CPB2: variants seen among roughly 807,000 people sequenced by gnomAD.
CPB2 encodes the protein carboxypeptidase B2.
A neutral mutation model predicts 57.0 loss-of-function variants in CPB2; 54 were observed. The ratio of observed to expected loss-of-function variants is 0.95; its 90% CI spans 0.76 to 1.19. The LOEUF (loss-of-function observed/expected upper bound fraction) is 1.19, where lower values mean the gene tolerates loss of function less well. Among genes scored for constraint, CPB2 ranks in the 50% most tolerant of loss-of-function variants. The probability of loss-of-function intolerance (pLI) is 0.00; values close to 1 mark genes in which losing one functional copy is unlikely to be tolerated. For synonymous variants in CPB2, 189 were observed against 178.1 expected, an observed-to-expected ratio of 1.06 and a Z score of -0.49; for missense variants, 426 against 512.0, an observed-to-expected ratio of 0.83 and a Z score of 1.62.
chr13:46,077,677 G>A (rs1374846839), intron 5 of CPB2, among the ~76,000 whole-genome samples: 1 of 122,712 alleles, frequency 8.1e-6, no homozygotes, highest in Non-Finnish European at 1.7e-5. Flanking sequence ...ATCAACCTAA[G>A]TGTTCTTCAA....
chr13:46,084,163 C>G lies in CPB2; in HGVS notation c.275+56G>C, dbSNP rs1313879092. The G allele has an allele frequency of 8.8e-6, 14 of 1,593,444 alleles. No individual in the cohort carries two copies. In the East Asian group the frequency reaches 3.1e-4, roughly 36 times the overall value. On this transcript the variant is annotated intron_variant, in intron 3 of 10. Transcript: ENST00000181383. The stretch of plus-strand genomic sequence containing the variant: ...GGAAGCAATTATACCATACCCTAGT[C>G]AAGTGCATAGTAAGTGTTTATAATA...
chr13:46,057,649 ATTGTCTG>A (rs2044714939), intron 9 of CPB2, among the ~76,000 whole-genome samples: 1 of 152,158 alleles, frequency 6.6e-6, no homozygotes, highest in Admixed American at 6.5e-5. Context: ...AATTTCCTGT[ATTGTCTG>A]TTATGTTCCA....
At chr13:46,101,382 T>C (rs1378621139) in intron 1 of CPB2, 1 of 152,220 alleles carries the variant, frequency 6.6e-6, no homozygotes, top group African/African-American at 2.4e-5. Flanking sequence ...ACAACAAAGA[T>C]GGGGATATTT....
Position 46,084,232 on chromosome 13 carries a change from C to T in CPB2, c.262G>A (p.Gly88Arg), listed in dbSNP as rs543856991. 27 of 1,614,078 alleles carry T rather than the reference C, an allele frequency of 1.7e-5. No individual in the cohort carries two copies. The highest frequency in any genetic ancestry group is 1.3e-4 in the African/African-American group (10 of 75,016). ...AACGGTGCCTACCTGCATGGAATTCCGCTCACATTTAAATGGGCTTTCACA... is the reference window on the plus strand; with the variant it reads ...AACGGTGCCTACCTGCATGGAATTCTGCTCACATTTAAATGGGCTTTCACA... ...DNVKAHLNVS[G>R]IPCSVLLADV... Residue 88 changes from glycine to arginine, a missense_variant, in exon 3 of 11, where the codon GGA (glycine) becomes AGA (arginine). Transcript: ENST00000181383.
chr13:46,082,477 G>A lies in CPB2; in HGVS notation c.348C>T (p.Ser116=), dbSNP rs375565318. 6.9e-5 allele frequency: 111 copies of A among 1,613,164 alleles called. No individual in the cohort carries two copies. Among genetic ancestry groups the A allele is most frequent in the Middle Eastern group, 1.6e-4 (1 of 6,082 alleles). ...ISNDTVSPRA[S]ASYYEQYHSL... is the part of the protein sequence containing the mutation. Reference sequence around the variant, plus strand: ...AGTGATACTGTTCATAGTACGATGCGGAGGCTCGGGGGCTGACTGTGTCGT... The same window carrying A: ...AGTGATACTGTTCATAGTACGATGCAGAGGCTCGGGGGCTGACTGTGTCGT... The change falls in exon 4 of 11, where the codon TCC becomes TCT. Residue 116 remains serine (S), a synonymous_variant. Transcript: ENST00000181383.
At chr13:46,057,130 A>G (rs1272304660) in intron 9 of CPB2, among the ~76,000 whole-genome samples, 1 of 151,758 alleles carries the variant, frequency 6.6e-6, no homozygotes, top group Non-Finnish European at 1.5e-5. Flanking sequence ...GGCTCTCAAC[A>G]TATATGTGTG....
rs1343239207 is a variant in CPB2 at position 46,087,075 on chromosome 13, C to T, written c.150+670G>A. On this transcript the variant is annotated intron_variant, in intron 2 of 10. Transcript: ENST00000181383. The stretch of plus-strand genomic sequence containing the variant: ...TGGGTCTGCAACCCCAGCTGGGCAG[C>T]TGCAGCTGCGCCCAGGAGGGCAGGG... Among the ~76,000 whole-genome samples, 7 of 152,344 alleles carry T rather than the reference C, an allele frequency of 4.6e-5. No homozygotes were observed. In the South Asian group the frequency reaches 1.5e-3, roughly 32 times the overall value.
At chr13:46,087,602 G>T (rs1176622473) in intron 2 of CPB2, 143 bp downstream of exon 2, 1 of 621,474 alleles carries the variant, frequency 1.6e-6, no homozygotes, top group African/African-American at 1.9e-5. Context: ...ACAAAATCAT[G>T]TGATTATGAG....
At chr13:46,065,559 G>A (rs768576657) in intron 7 of CPB2, among the ~76,000 whole-genome samples, 2 of 150,300 alleles carry the variant, frequency 1.3e-5, no homozygotes, top group African/African-American at 2.5e-5. Context: ...CCTGGGAGGC[G>A]GAGCTTGCAG....
intron 1 of CPB2, chr13:46,099,427 C>T (rs1329185896): frequency 2.0e-5 from 3 of 152,172 alleles, no homozygotes; most frequent in Non-Finnish European, 4.4e-5. Flanking sequence ...GCTTCCTTTT[C>T]ATGTAAAGTA....
intron 8 of CPB2, among the ~76,000 whole-genome samples, chr13:46,059,408 T>C (rs1481903982): frequency 6.6e-6 from 1 of 152,232 alleles, no homozygotes; most frequent in Non-Finnish European, 1.5e-5. Context: ...ATTAGCTATA[T>C]GGCTTTGGGT....
intron 8 of CPB2, among the ~76,000 whole-genome samples, chr13:46,060,272 G>T (rs909855172): frequency 1.2e-4 from 18 of 152,118 alleles, no homozygotes; most frequent in African/African-American, 4.3e-4. Context: ...ACACCAGCGA[G>T]GCCAACATGG....
chr13:46,100,604 G>C (rs1451236559), intron 1 of CPB2: 1 of 152,214 alleles, frequency 6.6e-6, no homozygotes, highest in Non-Finnish European at 1.5e-5. Context: ...GATAATGAGA[G>C]AGTTGGATGT....
rs17067697 is a variant in CPB2 at position 46,101,986 on chromosome 13, A to G, written c.74+2950T>C. Among the ~76,000 whole-genome samples, 858 of 152,340 alleles carry G rather than the reference A, an allele frequency of 5.6e-3. 14 individuals carry two copies. The highest frequency in any genetic ancestry group is 0.019 in the African/African-American group (803 of 41,586). ...GTCTCTGAACAATGGAACATAGCCC[A>G]AGGCTGCAATTTTGTTGCACACATT... On this transcript the variant is annotated intron_variant, in intron 1 of 10. Transcript: ENST00000181383.
At chr13:46,065,443 G>A (rs891030460) in intron 7 of CPB2, among the ~76,000 whole-genome samples, 2 of 151,830 alleles carry the variant, frequency 1.3e-5, no homozygotes, top group Non-Finnish European at 2.9e-5. Flanking sequence ...TGGCTAACAC[G>A]GTGAAACCCC....
At chr13:46,068,565 T>C (rs1216694088) in intron 6 of CPB2, among the ~76,000 whole-genome samples, 3 of 152,150 alleles carry the variant, frequency 2.0e-5, no homozygotes, top group Admixed American at 1.3e-4. Flanking sequence ...TATTATACTT[T>C]AAGTTCTGGG....
intron 6 of CPB2, among the ~76,000 whole-genome samples, chr13:46,069,449 A>G (rs898481689): frequency 3.9e-5 from 6 of 152,146 alleles, no homozygotes; most frequent in African/African-American, 1.2e-4. Flanking sequence ...GGAACATTTC[A>G]TCATAAAAAA....
intron 6 of CPB2, among the ~76,000 whole-genome samples, chr13:46,069,772 T>TTTTGACTA (rs2044910536): frequency 6.6e-6 from 1 of 152,206 alleles, no homozygotes; most frequent in Non-Finnish European, 1.5e-5. Flanking sequence ...TGTTTCCACT[T>TTTTGACTA]TTTGACTATT....
chr13:46,059,679 A>G (rs2044744762), intron 8 of CPB2, among the ~76,000 whole-genome samples: 1 of 152,142 alleles, frequency 6.6e-6, no homozygotes, highest in South Asian at 2.1e-4. Context: ...GGGGAGAGGA[A>G]GGATTCACTG....
Sources: gnomAD v4.1 joint callset for allele counts (sites outside exome capture counted in the v4.1 genomes callset) on GRCh38, gnomAD v4.1.1 for gene constraint, MANE v1.5 for transcripts, NCBI Gene and HGNC (gene_info 2026-07-23, HGNC 2026-07-21) for gene names.